The following RARB variants were observed in gnomAD, a reference collection of about 807,000 sequenced individuals.
RARB encodes HBV-activated protein.
A neutral mutation model predicts 51.9 loss-of-function variants in RARB; 17 were observed. That is an observed-to-expected ratio of 0.33 (90% CI 0.22 to 0.49). The LOEUF is 0.49. RARB is among the 20% of genes least tolerant of loss of function. RARB has a pLI of 0.99. For missense variants in RARB, 369 were observed against 550.8 expected, an observed-to-expected ratio of 0.67 and a Z score of 3.30; for synonymous variants, 215 against 195.4, an observed-to-expected ratio of 1.10 and a Z score of -0.84.
At chr3:25,185,114 T>A (rs764245703) in intron 5 of RARB, among the ~76,000 whole-genome samples, 1 of 152,164 alleles carries the variant, frequency 6.6e-6, no homozygotes, top group Non-Finnish European at 1.5e-5. Flanking sequence ...CATATGGAAG[T>A]TTTCACTTCA....
At chr3:25,125,143 A>T (rs752549818) in intron 3 of RARB, among the ~76,000 whole-genome samples, 18 of 152,214 alleles carry the variant, frequency 1.2e-4, no homozygotes, top group Non-Finnish European at 2.4e-4. Context: ...CTAGACAAAC[A>T]CACTCTACCC....
intron 3 of RARB, among the ~76,000 whole-genome samples, chr3:25,512,521 T>A (rs1697946168): frequency 6.6e-6 from 1 of 152,180 alleles, no homozygotes; most frequent in South Asian, 2.1e-4. Context: ...TGATCTCTTG[T>A]CATGTGCCCC....
intron 4 of RARB, among the ~76,000 whole-genome samples, chr3:25,168,634 A>T (rs1341844053): frequency 6.6e-6 from 1 of 152,218 alleles, no homozygotes; most frequent in Non-Finnish European, 1.5e-5. Flanking sequence ...TGTTAAAAAT[A>T]TGTTACCATA....
At chr3:25,120,527 A>ATCTCTCTT (rs1553634815) in intron 3 of RARB, among the ~76,000 whole-genome samples, 4 of 136,062 alleles carry the variant, frequency 2.9e-5, no homozygotes, top group Non-Finnish European at 6.2e-5. Context: ...ATATATAAAA[A>ATCTCTCTT]TCTCTCTCTC....
At position 25,059,391 on chromosome 3, in the gene RARB, C is replaced by G. The variant is rs376147812; in HGVS notation, c.-379-734C>G. On this transcript the variant is annotated intron_variant, in intron 2 of 11. Transcript: ENST00000383772. Reference sequence around the variant, plus strand: ...TGAAAAATATCCCCCAGAAAAAAACCATACCGATATACACTTCCACTAGCT... The same window carrying G: ...TGAAAAATATCCCCCAGAAAAAAACGATACCGATATACACTTCCACTAGCT... Among the ~76,000 whole-genome samples the G allele has an allele frequency of 3.2e-4, 49 of 151,752 alleles. No individual in the cohort carries two copies. The East Asian group carries it at 5.0e-3, about 16-fold the overall frequency.
chr3:25,165,537 C>T (rs1700548137), intron 4 of RARB, among the ~76,000 whole-genome samples: 2 of 152,154 alleles, frequency 1.3e-5, no homozygotes, highest in African/African-American at 2.4e-5. Flanking sequence ...CCCTTGAGAA[C>T]CAAATCCTAG....
At chr3:25,001,020 T>A (rs1178818592) in intron 2 of RARB, among the ~76,000 whole-genome samples, 1 of 152,108 alleles carries the variant, frequency 6.6e-6, no homozygotes, top group Non-Finnish European at 1.5e-5. Flanking sequence ...AAACATGGAC[T>A]TGAGCCATTA....
chr3:25,019,277 T>C (rs1697577814), intron 2 of RARB, among the ~76,000 whole-genome samples: 1 of 152,158 alleles, frequency 6.6e-6, no homozygotes, highest in Non-Finnish European at 1.5e-5. Flanking sequence ...TTTTTGATTG[T>C]AATAGAAATT....
chr3:25,050,008 G>A (rs1698294213), intron 2 of RARB, among the ~76,000 whole-genome samples: 1 of 152,154 alleles, frequency 6.6e-6, no homozygotes, highest in Non-Finnish European at 1.5e-5. Context: ...ACAATTTTGG[G>A]AGGAAAAGTT....
intron 3 of RARB, among the ~76,000 whole-genome samples, chr3:25,562,253 T>C (rs556914090): frequency 8.6e-5 from 13 of 151,850 alleles, no homozygotes; most frequent in Non-Finnish European, 1.8e-4. Context: ...TTTTTCTAGA[T>C]CAGAGGTTTT....
intron 4 of RARB, among the ~76,000 whole-genome samples, chr3:25,165,107 A>G (rs753489615): frequency 6.6e-6 from 1 of 152,142 alleles, no homozygotes; most frequent in Non-Finnish European, 1.5e-5. Flanking sequence ...AGAAAGAAGA[A>G]AGAAAAAAAA....
intron 1 of RARB, among the ~76,000 whole-genome samples, chr3:25,435,380 C>A (rs923810237): frequency 6.6e-6 from 1 of 152,160 alleles, no homozygotes; most frequent in Non-Finnish European, 1.5e-5. Context: ...CAAATGAAGA[C>A]CTCATGTAAT....
At chr3:25,344,014 G>A (rs1287865762) in intron 5 of RARB, among the ~76,000 whole-genome samples, 1 of 152,170 alleles carries the variant, frequency 6.6e-6, no homozygotes, top group East Asian at 1.9e-4. Flanking sequence ...TATCCATTTG[G>A]CAAATGGAGA....
intron 2 of RARB, among the ~76,000 whole-genome samples, chr3:25,038,676 T>C (rs1326148320): frequency 1.3e-5 from 2 of 152,194 alleles, no homozygotes; most frequent in Non-Finnish European, 2.9e-5. Flanking sequence ...GGGATTTCTT[T>C]CCTTGGTTGG....
chr3:25,035,390 G>A (rs1291611197), intron 2 of RARB, among the ~76,000 whole-genome samples: 1 of 148,810 alleles, frequency 6.7e-6, no homozygotes, highest in African/African-American at 2.5e-5. Flanking sequence ...CCAAAGTGCT[G>A]GAATTACAGT....
intron 2 of RARB, among the ~76,000 whole-genome samples, chr3:24,886,638 C>G (rs977619830): frequency 2.0e-5 from 3 of 151,888 alleles, no homozygotes; most frequent in African/African-American, 7.3e-5. Flanking sequence ...GACAAGGTCT[C>G]GTTATGTTGC....
intron 2 of RARB, among the ~76,000 whole-genome samples, chr3:25,037,576 C>T (rs1170754969): frequency 2.0e-5 from 3 of 152,060 alleles, no homozygotes; most frequent in African/African-American, 7.2e-5. Context: ...CTTGGCTCAA[C>T]AACAAGGACT....
chr3:25,549,832 A>G (rs956284911), intron 3 of RARB, among the ~76,000 whole-genome samples: 5 of 152,124 alleles, frequency 3.3e-5, no homozygotes, highest in Non-Finnish European at 7.3e-5. Context: ...GGCAACTGAC[A>G]CCGAGATTGG....
chr3:25,394,631 A>G (rs1017250189), intron 5 of RARB, among the ~76,000 whole-genome samples: 1 of 152,074 alleles, frequency 6.6e-6, no homozygotes, highest in Non-Finnish European at 1.5e-5. Context: ...CTATGGAAGT[A>G]ATCTTTTTAT....
Sources: allele counts gnomAD v4.1 joint callset (sites outside exome capture counted in the v4.1 genomes callset), GRCh38; gene constraint gnomAD v4.1.1; transcripts MANE v1.5; gene names NCBI Gene and HGNC (gene_info 2026-07-23, HGNC 2026-07-21).